Variants in PHLPP1 observed in about 807,000 individuals in gnomAD.
PHLPP1 encodes the protein PH domain and leucine rich repeat protein phosphatase 1.
Under a neutral mutation model 117.2 loss-of-function variants are expected in PHLPP1, and 42 were observed. That is an observed-to-expected ratio of 0.36 (90% confidence interval 0.28 to 0.46). The LOEUF is 0.46. Among genes scored for constraint, PHLPP1 ranks in the 20% least tolerant of loss-of-function variants. PHLPP1 has a pLI of 1.00. For synonymous variants in PHLPP1, 1,042 were observed against 970.7 expected (o/e 1.07, Z -1.37); for missense variants, 2,084 against 2,241.9 (o/e 0.93, Z 1.42).
chr18:62,859,133 C>T (rs527538354), intron 3 of PHLPP1, among the ~76,000 whole-genome samples: 1 of 152,274 alleles, frequency 6.6e-6, no homozygotes, highest in African/African-American at 2.4e-5. Context: ...CACAGAGAAG[C>T]AGTGAAGTTT....
At chr18:62,927,838 A>G (rs1461664599) in intron 10 of PHLPP1, among the ~76,000 whole-genome samples, 2 of 151,886 alleles carry the variant, frequency 1.3e-5, no homozygotes, top group African/African-American at 4.9e-5. Flanking sequence ...TTTCAACAAC[A>G]AACAAAATAC....
Position 62,963,489 on chromosome 18 carries a change from T to G in PHLPP1, c.3560+17T>G. On this transcript the variant is annotated intron_variant, in intron 14 of 16. Coordinates refer to ENST00000262719, the MANE Select transcript of PHLPP1 (RefSeq NM_194449.4). ...AAAAAACAAGTAAGTCAGATGAAAC[T>G]TTAGAGGAAGAAGTGCCTCCTGCCT... 6.5e-7 allele frequency: 1 copy of G among 1,535,062 alleles called. No individual in the cohort carries two copies. The highest frequency in any genetic ancestry group is 9.0e-7 in the Non-Finnish European group (1 of 1,114,126).
rs1235996257 is a variant in PHLPP1, at chr18:62,846,546, G to GA, written c.1899+7649dup. 2.1e-3 allele frequency among the ~76,000 whole-genome samples: 293 copies of GA among 140,710 alleles called. 2 individuals carry two copies. Among genetic ancestry groups the GA allele is most frequent in the East Asian group, 0.02 (97 of 4,920 alleles). The allele number at this position is 140,710 out of a possible 152,430, so 92.3% of individuals were successfully genotyped here. A position where few individuals can be genotyped will look rare whatever the true frequency, so the allele number is the denominator to read the frequency against. The stretch of plus-strand genomic sequence containing the variant: ...CATATCACACATGTCTGAGAAGTGT[G>GA]AAAAAAAAAAAAGCTAAAGTAAATG... On this transcript the variant is annotated intron_variant, in intron 3 of 16. Transcript: ENST00000262719.
intron 1 of PHLPP1, chr18:62,779,628 C>G (rs191033001): frequency 6.6e-6 from 1 of 152,148 alleles, no homozygotes; most frequent in Non-Finnish European, 1.5e-5. Flanking sequence ...CTTTTCATTA[C>G]GTAGTACAGA....
At chr18:62,867,008 G>GT (rs1305027891) in intron 4 of PHLPP1, among the ~76,000 whole-genome samples, 1 of 152,114 alleles carries the variant, frequency 6.6e-6, no homozygotes, top group African/African-American at 2.4e-5. Context: ...GTTGCCCACT[G>GT]TTTTTTACAT....
intron 1 of PHLPP1, among the ~76,000 whole-genome samples, chr18:62,733,791 A>G (rs139999967): frequency 3.3e-4 from 51 of 152,346 alleles, no homozygotes; most frequent in Non-Finnish European, 5.3e-4. Flanking sequence ...TCGAAGGACT[A>G]GGAGTAGACT....
At chr18:62,887,406 T>C (rs1304169500) in intron 4 of PHLPP1, among the ~76,000 whole-genome samples, 1 of 152,214 alleles carries the variant, frequency 6.6e-6, no homozygotes, top group African/African-American at 2.4e-5. Flanking sequence ...TTAGTCTGTT[T>C]GGGCTGCTAT....
chr18:62,902,382 G>C (rs1417014871), intron 6 of PHLPP1, among the ~76,000 whole-genome samples: 3 of 152,214 alleles, frequency 2.0e-5, no homozygotes, highest in Non-Finnish European at 2.9e-5. Flanking sequence ...GCAGTTGGGA[G>C]TCATGTACTT....
chr18:62,744,319 T>TA (rs2078932692), intron 1 of PHLPP1, among the ~76,000 whole-genome samples: 1 of 152,232 alleles, frequency 6.6e-6, no homozygotes, highest in South Asian at 2.1e-4. Flanking sequence ...AACCCTGACT[T>TA]AGAGGAACAG....
intron 10 of PHLPP1, among the ~76,000 whole-genome samples, chr18:62,934,757 A>G (rs1269601890): frequency 6.6e-6 from 1 of 152,192 alleles, no homozygotes; most frequent in South Asian, 2.1e-4. Context: ...AATGGAAACA[A>G]CCCAAATGTT....
At chr18:62,958,072 C>T (rs1910669195) in intron 12 of PHLPP1, among the ~76,000 whole-genome samples, 3 of 151,960 alleles carry the variant, frequency 2.0e-5, no homozygotes, top group Non-Finnish European at 4.4e-5. Context: ...TACAGGCTTG[C>T]GCCACCACCT....
chr18:62,877,713 A>G (rs975685730), intron 4 of PHLPP1, among the ~76,000 whole-genome samples: 2 of 152,180 alleles, frequency 1.3e-5, no homozygotes, highest in Admixed American at 6.6e-5. Context: ...TTTCCATTTC[A>G]CAAGATTCCC....
At chr18:62,915,567 A>G (rs978780727) in intron 9 of PHLPP1, among the ~76,000 whole-genome samples, 3 of 152,192 alleles carry the variant, frequency 2.0e-5, no homozygotes, top group Middle Eastern at 3.2e-3. Context: ...TTTCACTTCA[A>G]TGGCAGGATT....
intron 4 of PHLPP1, among the ~76,000 whole-genome samples, chr18:62,867,913 G>A (rs1260991128): frequency 5.3e-5 from 8 of 151,966 alleles, no homozygotes; most frequent in African/African-American, 1.9e-4. Context: ...CCAGATTCAC[G>A]CCATTCTCCT....
At chr18:62,887,580 A>G in intron 4 of PHLPP1, among the ~76,000 whole-genome samples, 1 of 152,318 alleles carries the variant, frequency 6.6e-6, no homozygotes. Context: ...ACGTGGCTGA[A>G]GGGGCAAGGC....
At position 62,860,475 on chromosome 18, in the gene PHLPP1, G is replaced by A; in HGVS notation, c.1940G>A (p.Cys647Tyr). 3 of 1,613,934 alleles carry A rather than the reference G, an allele frequency of 1.9e-6. No individual in the cohort carries two copies. The highest frequency in any genetic ancestry group is 2.2e-5 in the East Asian group (1 of 44,882). ...QRISSVDLSC[C>Y]SLEHLPANLF... ...ATTAGCTCAGTGGACCTCTCGTGTT[G>A]TAGCCTGGAACATCTGCCTGCCAAC... is the stretch of plus-strand genomic sequence containing the variant. The change falls in exon 4 of 17, where the codon TGT (cysteine) becomes TAT (tyrosine). Residue 647 changes from cysteine (C) to tyrosine (Y), a missense_variant. Physicochemically the swap from Cys to Tyr is radical, Grantham distance 194. Transcript: ENST00000262719.
At chr18:62,731,797 A>G (rs1911233314) in intron 1 of PHLPP1, among the ~76,000 whole-genome samples, 1 of 152,210 alleles carries the variant, frequency 6.6e-6, no homozygotes, top group African/African-American at 2.4e-5. Flanking sequence ...AGGCAAAACA[A>G]CCTTATTGCT....
At chr18:62,753,453 A>AC (rs1283699657) in intron 1 of PHLPP1, among the ~76,000 whole-genome samples, 2 of 152,154 alleles carry the variant, frequency 1.3e-5, no homozygotes, top group Non-Finnish European at 2.9e-5. Context: ...CATTTGTTGC[A>AC]CCCAGCAATG....
At chr18:62,948,006 CAA>C (rs1282301877) in intron 12 of PHLPP1, among the ~76,000 whole-genome samples, 1 of 151,672 alleles carries the variant, frequency 6.6e-6, no homozygotes, top group Non-Finnish European at 1.5e-5. Context: ...GCCTGGGCAA[CAA>C]GAGCAAAATT....
Sources: allele counts gnomAD v4.1 joint callset (sites outside exome capture counted in the v4.1 genomes callset), GRCh38; gene constraint gnomAD v4.1.1; transcripts MANE v1.5; gene names NCBI Gene and HGNC (gene_info 2026-07-23, HGNC 2026-07-21).